ELF1: variants seen among roughly 807,000 people sequenced by gnomAD.
The protein encoded by ELF1 is E74 like ETS transcription factor 1, also known as ETS-related transcription factor Elf-1.
A neutral mutation model predicts 59.9 loss-of-function variants in ELF1; 24 were observed. That is an observed-to-expected ratio of 0.40 (90% CI 0.29 to 0.56). The LOEUF is 0.56. Among genes scored for constraint, ELF1 ranks in the 20% least tolerant of loss-of-function variants. ELF1 has a pLI of 0.44. For synonymous variants in ELF1, 248 were observed against 266.2 expected, an observed-to-expected ratio of 0.93 and a Z score of 0.67; for missense variants, 627 against 742.2, an observed-to-expected ratio of 0.84 and a Z score of 1.80.
intron 1 of ELF1, among the ~76,000 whole-genome samples, chr13:41,057,990 T>C (rs1316079413): frequency 3.3e-5 from 5 of 152,252 alleles, no homozygotes; most frequent in Non-Finnish European, 7.3e-5. Flanking sequence ...AATTAACTGA[T>C]TGCTTTTCTC....
At chr13:40,999,334 A>T (rs1454382755) in intron 1 of ELF1, among the ~76,000 whole-genome samples, 1 of 144,548 alleles carries the variant, frequency 6.9e-6, no homozygotes, top group Non-Finnish European at 1.5e-5. Context: ...GGAAGGTAGG[A>T]GTTGGAGAGA....
chr13:41,019,167 C>A (rs1380584767), intron 1 of ELF1, 61 bp downstream of exon 1: 2 of 984,038 alleles, frequency 2.0e-6, no homozygotes, highest in Non-Finnish European at 2.4e-6. Context: ...GTAAGAACCA[C>A]CCTCTGTTTA....
In ELF1 at chr13:41,042,666, C is replaced by T. The variant is rs181704939; in HGVS notation, c.-229+18172G>A. On this transcript the variant is annotated intron_variant, in intron 1 of 1. Transcript: ENST00000405737. ...TCCTTTTTTATGGCTGCATAGTATT[C>T]CATGGTGTATATGTGCCACATTTTC... is the stretch of plus-strand genomic sequence containing the variant. 2.6e-5 allele frequency among the ~76,000 whole-genome samples: 4 copies of T among 152,150 alleles called. No individual in the cohort carries two copies. The South Asian group carries it at 6.2e-4, about 24-fold the overall frequency.
intron 1 of ELF1, among the ~76,000 whole-genome samples, chr13:41,035,727 G>GAAAAAAAAAAAAA (rs11366083): frequency 1.0e-5 from 1 of 100,066 alleles, no homozygotes; most frequent in African/African-American, 4.1e-5. Context: ...AGAACAAAAA[G>GAAAAAAAAAAAAA]AAAAAAAAAA....
At chr13:41,030,845 G>A (rs1394141615) in intron 1 of ELF1, among the ~76,000 whole-genome samples, 2 of 151,836 alleles carry the variant, frequency 1.3e-5, no homozygotes, top group Non-Finnish European at 2.9e-5. Flanking sequence ...GTGCAGTGGG[G>A]AGGTGACGAG....
upstream of ELF1, among the ~76,000 whole-genome samples, chr13:41,023,053 T>C (rs1033979954): frequency 6.6e-6 from 1 of 152,202 alleles, no homozygotes; most frequent in African/African-American, 2.4e-5. Flanking sequence ...AGTCAGTATA[T>C]ACCTTATATA....
In ELF1 at chr13:40,933,386, C is replaced by A; in HGVS notation, c.*39G>T. The A allele has an allele frequency of 6.4e-7, 1 of 1,571,360 alleles. No homozygotes were observed. Among genetic ancestry groups the A allele is most frequent in the South Asian group, 1.2e-5 (1 of 83,704 alleles). ...CAGTCTGCATATAATTGAAAATGTTCAATTAACAAACAATTATTCATAAGC... is the reference window on the plus strand; with the variant it reads ...CAGTCTGCATATAATTGAAAATGTTAAATTAACAAACAATTATTCATAAGC... On this transcript the variant is annotated 3_prime_UTR_variant, in exon 9 of 9. Coordinates refer to ENST00000239882, the MANE Select transcript of ELF1 (RefSeq NM_172373.4).
chr13:41,005,899 A>T (rs953120227), intron 1 of ELF1, among the ~76,000 whole-genome samples: 1 of 152,196 alleles, frequency 6.6e-6, no homozygotes, highest in Non-Finnish European at 1.5e-5. Context: ...AAATGCAGCT[A>T]TCTTATCCAT....
chr13:41,048,815 C>T (rs999438046), intron 1 of ELF1, among the ~76,000 whole-genome samples: 1 of 151,930 alleles, frequency 6.6e-6, no homozygotes, highest in African/African-American at 2.4e-5. Flanking sequence ...ACTATTCATT[C>T]TCACTCCCTG....
Position 40,993,473 on chromosome 13 carries a change from C to T in ELF1, c.-228-11191G>A, listed in dbSNP as rs536317021. ...CCGCCCAACTTAAGCACCCAGCGGGCGAGGAACTAGTTTTTATTTATTTTT... is the reference window on the plus strand; with the variant it reads ...CCGCCCAACTTAAGCACCCAGCGGGTGAGGAACTAGTTTTTATTTATTTTT... On this transcript the variant is annotated intron_variant, in intron 1 of 8. Coordinates refer to ENST00000239882, the MANE Select transcript of ELF1 (RefSeq NM_172373.4). The T allele has an allele frequency of 7.2e-5, 41 of 568,524 alleles. No individual in the cohort carries two copies. In the East Asian group the frequency reaches 9.6e-4, roughly 13 times the overall value. 35.2% of individuals were successfully genotyped at this position (568,524 alleles called of 1,614,324 possible).
upstream of ELF1, among the ~76,000 whole-genome samples, chr13:41,022,919 T>G (rs1226410757): frequency 6.6e-6 from 1 of 151,836 alleles, no homozygotes; most frequent in Non-Finnish European, 1.5e-5. Flanking sequence ...GTTCTGCACA[T>G]GTACCCCAGA....
intron 1 of ELF1, among the ~76,000 whole-genome samples, chr13:41,016,608 G>T (rs1875377819): frequency 1.3e-5 from 2 of 151,772 alleles, no homozygotes; most frequent in South Asian, 4.2e-4. Context: ...AACAATATTT[G>T]CCCTCCTAAA....
intron 4 of ELF1, among the ~76,000 whole-genome samples, chr13:40,950,331 C>CA (rs576212641): frequency 1.9e-4 from 28 of 150,600 alleles, no homozygotes; most frequent in African/African-American, 6.2e-4. Flanking sequence ...ATAGGAAAAA[C>CA]AAAAAACAAA....
At chr13:41,029,393 TTTC>T (rs1876075404) in intron 1 of ELF1, among the ~76,000 whole-genome samples, 2 of 152,130 alleles carry the variant, frequency 1.3e-5, no homozygotes, top group South Asian at 4.1e-4. Flanking sequence ...GAGACTGGCA[TTTC>T]TTTTTTATTT....
chr13:41,008,222 G>A (rs1476615332), intron 1 of ELF1, among the ~76,000 whole-genome samples: 2 of 152,068 alleles, frequency 1.3e-5, no homozygotes, highest in East Asian at 3.8e-4. Flanking sequence ...ATTATTCTTC[G>A]ACCTGTGAGC....
At chr13:40,969,330 T>C (rs1238658481) in intron 2 of ELF1, among the ~76,000 whole-genome samples, 1 of 152,228 alleles carries the variant, frequency 6.6e-6, no homozygotes, top group Admixed American at 6.5e-5. Context: ...GTTAAGAGTT[T>C]GGGCTCTCTC....
At chr13:41,006,702 A>G (rs1874780881) in intron 1 of ELF1, among the ~76,000 whole-genome samples, 1 of 152,214 alleles carries the variant, frequency 6.6e-6, no homozygotes, top group Non-Finnish European at 1.5e-5. Flanking sequence ...CGTTCATACC[A>G]TGAAAACATT....
intron 1 of ELF1, among the ~76,000 whole-genome samples, chr13:41,026,874 T>C (rs1012005861): frequency 3.9e-5 from 6 of 152,216 alleles, no homozygotes; most frequent in Admixed American, 3.9e-4. Flanking sequence ...TGCTACACTG[T>C]CTTTTCTCAC....
At chr13:41,000,563 T>C (rs1447191314) in intron 1 of ELF1, among the ~76,000 whole-genome samples, 1 of 152,142 alleles carries the variant, frequency 6.6e-6, no homozygotes, top group African/African-American at 2.4e-5. Flanking sequence ...TTTATCGCTT[T>C]GTTGTACTCT....
Sources: gnomAD v4.1 joint callset for allele counts (sites outside exome capture counted in the v4.1 genomes callset) on GRCh38, gnomAD v4.1.1 for gene constraint, MANE v1.5 for transcripts, NCBI Gene and HGNC (gene_info 2026-07-23, HGNC 2026-07-21) for gene names.